The following MAP4K5 variants were observed in gnomAD, a reference collection of about 807,000 sequenced individuals.
MAP4K5 encodes the protein MAPK/ERK kinase kinase kinase 5.
A neutral mutation model predicts 135.6 loss-of-function variants in MAP4K5; 82 were observed. The ratio of observed to expected loss-of-function variants is 0.60; its 90% confidence interval spans 0.51 to 0.73. The LOEUF (loss-of-function observed/expected upper bound fraction) is 0.73, where lower values mean the gene tolerates loss of function less well. Ranked by LOEUF, MAP4K5 falls within the 30% of genes least tolerant of loss-of-function variation. The probability of loss-of-function intolerance (pLI) is 0.00; values close to 1 mark genes in which losing one functional copy is unlikely to be tolerated. For missense variants in MAP4K5, 907 were observed against 1,010.9 expected (o/e 0.90, Z 1.39); for synonymous variants, 347 against 335.0 (o/e 1.04, Z -0.39).
intron 30 of MAP4K5, among the ~76,000 whole-genome samples, chr14:50,428,258 G>A (rs1419247439): frequency 6.6e-6 from 1 of 151,898 alleles, no homozygotes; most frequent in East Asian, 1.9e-4. Flanking sequence ...CACAGATAGA[G>A]AACATTTCTA....
intron 5 of MAP4K5, among the ~76,000 whole-genome samples, chr14:50,484,919 C>T (rs1317554310): frequency 6.6e-6 from 1 of 152,026 alleles, no homozygotes; most frequent in Non-Finnish European, 1.5e-5. Flanking sequence ...TAAGTAGCTG[C>T]AATGGGAGTT....
At chr14:50,428,057 T>C (rs975076071) in intron 30 of MAP4K5, among the ~76,000 whole-genome samples, 2 of 152,168 alleles carry the variant, frequency 1.3e-5, no homozygotes, top group Non-Finnish European at 2.9e-5. Flanking sequence ...TGATTACAAG[T>C]TTTAAATATT....
rs2035683733 is a variant in MAP4K5 at position 50,419,782 on chromosome 14, TA to T, written c.*236del. 7.1e-6 allele frequency: 3 copies of T among 421,500 alleles called. No homozygotes were observed. Among genetic ancestry groups the T allele is most frequent in the Non-Finnish European group, 1.3e-5 (3 of 234,262 alleles). The allele number at this position is 421,500 out of a possible 1,614,324, so 26.1% of individuals were successfully genotyped here. A position where few individuals can be genotyped will look rare whatever the true frequency, so the allele number is the denominator to read the frequency against. ...ACTGTGTTTCCTGGAACTAGAGGAC[TA>T]TTTGTCTCATAGCTTTTATTAAGCA... On this transcript the variant is annotated 3_prime_UTR_variant, in exon 33 of 33. Transcript: ENST00000682126.
chr14:50,465,012 A>C (rs2036800310), intron 11 of MAP4K5, among the ~76,000 whole-genome samples: 1 of 152,354 alleles, frequency 6.6e-6, no homozygotes, highest in Non-Finnish European at 1.5e-5. Flanking sequence ...CCAGATGTCT[A>C]GGAACTTAGA....
At chr14:50,436,820 T>C (rs1255851991) in intron 26 of MAP4K5, among the ~76,000 whole-genome samples, 2 of 152,166 alleles carry the variant, frequency 1.3e-5, no homozygotes, top group African/African-American at 4.8e-5. Context: ...AGCTCCATGT[T>C]TGGTATTTTT....
chr14:50,437,773 CTTTAG>C, intron 25 of MAP4K5, 116 bp downstream of exon 25: 4 of 717,216 alleles, frequency 5.6e-6, no homozygotes, highest in Non-Finnish European at 9.4e-6. Flanking sequence ...ATATAATACA[CTTTAG>C]TTTAAACTAC....
chr14:50,501,025 T>C (rs1017221616), intron 3 of MAP4K5, among the ~76,000 whole-genome samples: 2 of 152,168 alleles, frequency 1.3e-5, no homozygotes, highest in Non-Finnish European at 2.9e-5. Context: ...CAATGGTGGG[T>C]AGTAAATCTA....
In MAP4K5 at chr14:50,476,316, T is replaced by TAA. The variant is rs76595851; in HGVS notation, c.379-12_379-11dup. 1,628 of 1,119,108 alleles carry TAA rather than the reference T, an allele frequency of 1.5e-3. No homozygotes were observed. The highest frequency in any genetic ancestry group is 3.6e-3 in the East Asian group (114 of 31,378). 69.3% of individuals were successfully genotyped at this position (1,119,108 alleles called of 1,614,324 possible). A position where few individuals can be genotyped will look rare whatever the true frequency, so the allele number is the denominator to read the frequency against. Reference sequence around the variant, plus strand: ...GCAAATAGGCAAGACCCTAAAAGTTTAAAAAAAAAAAAAAAGAATGTATCA... The same window carrying TAA: ...GCAAATAGGCAAGACCCTAAAAGTTTAAAAAAAAAAAAAAAAAGAATGTATCA... On this transcript the variant is annotated splice_polypyrimidine_tract_variant and intron_variant, in intron 6 of 32. Coordinates refer to ENST00000682126, the MANE Select transcript of MAP4K5 (RefSeq NM_006575.6).
rs541390854 is a variant in MAP4K5, at chr14:50,557,747, G to A, written c.-180+3293C>T. On this transcript the variant is annotated intron_variant, in intron 1 of 8. Coordinates refer to the MAP4K5 transcript ENST00000555216. ...GCATTCTAGCAATGTCCACTGAAAG[G>A]GTCTAGAAACAGTGATCTTCACCCA... Among the ~76,000 whole-genome samples the A allele has an allele frequency of 3.0e-4, 45 of 152,178 alleles. 2 individuals carry two copies. In the Middle Eastern group the frequency reaches 0.024, roughly 81 times the overall value.
At chr14:50,425,838 C>T in intron 31 of MAP4K5, 69 bp downstream of exon 31, 1 of 1,063,098 alleles carries the variant, frequency 9.4e-7, no homozygotes, top group Non-Finnish European at 1.4e-6. Flanking sequence ...AGAGGAAATG[C>T]ATAAAACGAG....
chr14:50,546,475 GTAAA>G (rs2038633956), intron 1 of MAP4K5, among the ~76,000 whole-genome samples: 1 of 152,072 alleles, frequency 6.6e-6, no homozygotes, highest in Non-Finnish European at 1.5e-5. Context: ...TGGCTTATAA[GTAAA>G]TGAGTACTCA....
At chr14:50,505,477 A>G (rs976977054) in intron 2 of MAP4K5, among the ~76,000 whole-genome samples, 3 of 152,192 alleles carry the variant, frequency 2.0e-5, no homozygotes, top group Non-Finnish European at 2.9e-5. Flanking sequence ...TTAGCTTTGT[A>G]TCTATCCACA....
chr14:50,560,384 A>G, intron 1 of MAP4K5: 1 of 1,525,678 alleles, frequency 6.6e-7, no homozygotes, highest in South Asian at 1.2e-5. Flanking sequence ...GGGAGGGCCA[A>G]GGGCTGCTAG....
At chr14:50,430,674 T>C (rs2035949254) in intron 28 of MAP4K5, among the ~76,000 whole-genome samples, 1 of 152,186 alleles carries the variant, frequency 6.6e-6, no homozygotes, top group South Asian at 2.1e-4. Context: ...GAAAATAAAT[T>C]ATAACTGATC....
intron 14 of MAP4K5, 56 bp downstream of exon 14, chr14:50,456,460 A>G (rs369744561): frequency 2.8e-5 from 34 of 1,226,914 alleles, no homozygotes; most frequent in African/African-American, 1.8e-4. Flanking sequence ...AACATACAAG[A>G]ACACGCAGCA....
intron 2 of MAP4K5, among the ~76,000 whole-genome samples, chr14:50,531,640 A>G (rs2038391710): frequency 6.6e-6 from 1 of 152,168 alleles, no homozygotes; most frequent in Non-Finnish European, 1.5e-5. Flanking sequence ...CTTCGGTGTA[A>G]TTCCACAAGC....
intron 14 of MAP4K5, 45 bp downstream of exon 14, chr14:50,456,471 C>A (rs2036596193): frequency 8.0e-6 from 11 of 1,373,128 alleles, no homozygotes; most frequent in Non-Finnish European, 1.1e-5. Flanking sequence ...ACACGCAGCA[C>A]AACCCTCCAA....
At chr14:50,532,734 C>G (rs759693417), upstream of MAP4K5, 1 of 152,730 alleles carries the variant, frequency 6.5e-6, no homozygotes, top group Admixed American at 6.5e-5. Context: ...AACACCCTCC[C>G]GACCGCGCCA....
chr14:50,520,567 A>C (rs1321717659), intron 2 of MAP4K5, among the ~76,000 whole-genome samples: 3 of 152,222 alleles, frequency 2.0e-5, no homozygotes, highest in African/African-American at 7.2e-5. Flanking sequence ...ATCAGAAAGA[A>C]GCAAACAAAA....
Sources: gnomAD v4.1 joint callset for allele counts (sites outside exome capture counted in the v4.1 genomes callset) on GRCh38, gnomAD v4.1.1 for gene constraint, MANE v1.5 for transcripts, NCBI Gene and HGNC (gene_info 2026-07-23, HGNC 2026-07-21) for gene names.